CPQ: variants seen among roughly 807,000 people sequenced by gnomAD.
CPQ encodes carboxypeptidase Q.
In CPQ, 37 loss-of-function variants were observed where a neutral mutation model predicts 45.7. That is an observed-to-expected ratio of 0.81 (90% confidence interval 0.62 to 1.07). CPQ has a LOEUF of 1.07. Ranked by LOEUF, CPQ falls within the 50% of genes least tolerant of loss-of-function variation. The pLI is 0.00. For missense variants in CPQ, 537 were observed against 572.9 expected (o/e 0.94, Z 0.64); for synonymous variants, 186 against 205.8 (o/e 0.90, Z 0.82).
intron 1 of CPQ, chr8:96,761,638 G>C (rs566252170): frequency 6.6e-6 from 1 of 152,284 alleles, no homozygotes; most frequent in African/African-American, 2.4e-5. Flanking sequence ...TTCTGTCCCT[G>C]ATTTTCTGTG....
chr8:97,050,022 A>G (rs952092376), intron 6 of CPQ, among the ~76,000 whole-genome samples: 1 of 152,178 alleles, frequency 6.6e-6, no homozygotes, highest in African/African-American at 2.4e-5. Context: ...TGTAAGCCAT[A>G]TAGCTTCTCC....
chr8:96,799,806 G>T (rs1810982639), intron 2 of CPQ, among the ~76,000 whole-genome samples: 1 of 152,164 alleles, frequency 6.6e-6, no homozygotes, highest in Non-Finnish European at 1.5e-5. Context: ...AGGTCACACA[G>T]CTAATACATG....
At chr8:96,864,062 A>G (rs1811964769) in intron 3 of CPQ, among the ~76,000 whole-genome samples, 1 of 152,088 alleles carries the variant, frequency 6.6e-6, no homozygotes, top group East Asian at 1.9e-4. Context: ...TTGTCTGGAC[A>G]CACACCAGAC....
At chr8:96,687,326 C>A (rs1318972782) in intron 1 of CPQ, among the ~76,000 whole-genome samples, 1 of 152,032 alleles carries the variant, frequency 6.6e-6, no homozygotes, top group Non-Finnish European at 1.5e-5. Context: ...GATTCTCCTG[C>A]CTCAGTCTCC....
At chr8:97,105,092 C>T (rs1044311880) in intron 7 of CPQ, among the ~76,000 whole-genome samples, 1 of 152,196 alleles carries the variant, frequency 6.6e-6, no homozygotes. Context: ...AAGACCACCC[C>T]GGCATTGTGC....
intron 5 of CPQ, among the ~76,000 whole-genome samples, chr8:96,970,790 C>T (rs1435321970): frequency 6.6e-6 from 1 of 152,102 alleles, no homozygotes; most frequent in African/African-American, 2.4e-5. Context: ...GTCTCTATCT[C>T]CTGACCTCGT....
At chr8:97,128,691 A>C (rs768409006) in intron 7 of CPQ, among the ~76,000 whole-genome samples, 2 of 152,158 alleles carry the variant, frequency 1.3e-5, no homozygotes, top group Admixed American at 6.6e-5. Context: ...TCTCAAAAAA[A>C]CAAACAAACA....
intron 3 of CPQ, among the ~76,000 whole-genome samples, chr8:96,839,494 G>A (rs1811577347): frequency 6.6e-6 from 1 of 152,022 alleles, no homozygotes. Flanking sequence ...TTTGTCCTGG[G>A]AAATATGTTT....
intron 3 of CPQ, 51 bp from the exon 4 acceptor site, chr8:96,879,747 C>A: frequency 4.2e-6 from 6 of 1,433,704 alleles, no homozygotes; most frequent in Non-Finnish European, 5.9e-6. Flanking sequence ...TCAAAAAAGT[C>A]TTTTGGTCTA....
intron 2 of CPQ, among the ~76,000 whole-genome samples, chr8:96,817,684 G>T (rs1811247988): frequency 6.6e-6 from 1 of 151,766 alleles, no homozygotes; most frequent in South Asian, 2.1e-4. Context: ...TGCAATCCTG[G>T]CTCACTGCAG....
intron 1 of CPQ, among the ~76,000 whole-genome samples, chr8:96,647,981 C>T (rs559036940): frequency 1.3e-5 from 2 of 152,284 alleles, no homozygotes; most frequent in South Asian, 2.1e-4. Context: ...CAACCTCTTT[C>T]TTTATAAGAC....
chr8:96,972,170 G>A (rs1225859062), intron 5 of CPQ, among the ~76,000 whole-genome samples: 3 of 152,212 alleles, frequency 2.0e-5, no homozygotes, highest in Non-Finnish European at 2.9e-5. Context: ...GGGGCACTGT[G>A]GGAGTGAGAC....
intron 4 of CPQ, among the ~76,000 whole-genome samples, chr8:96,916,884 G>T (rs193226740): frequency 2.6e-5 from 4 of 152,224 alleles, no homozygotes; most frequent in Admixed American, 2.0e-4. Context: ...TTAGACTGGG[G>T]TAATGTGTTT....
At chr8:96,693,884 G>T (rs887117914) in intron 1 of CPQ, among the ~76,000 whole-genome samples, 9 of 151,982 alleles carry the variant, frequency 5.9e-5, no homozygotes, top group African/African-American at 2.2e-4. Context: ...AAAACATGAG[G>T]TGATGAAAAA....
At chr8:97,035,882 T>C (rs1313351084) in intron 6 of CPQ, among the ~76,000 whole-genome samples, 4 of 152,092 alleles carry the variant, frequency 2.6e-5, no homozygotes, top group Non-Finnish European at 5.9e-5. Context: ...TAATTTTTTG[T>C]ATTTTTAGTA....
chr8:96,975,326 T>C (rs1171793267), intron 5 of CPQ, among the ~76,000 whole-genome samples: 2 of 103,188 alleles, frequency 1.9e-5, no homozygotes, highest in African/African-American at 9.9e-5. Flanking sequence ...GGCAGTGAGA[T>C]TGAAATGGTA....
intron 7 of CPQ, among the ~76,000 whole-genome samples, chr8:97,114,045 A>G (rs970451264): frequency 1.3e-5 from 2 of 152,180 alleles, no homozygotes; most frequent in African/African-American, 4.8e-5. Flanking sequence ...CCTATTAAGG[A>G]GGGATGCCAA....
chr8:97,043,421 G>A (rs1176096987), intron 6 of CPQ, among the ~76,000 whole-genome samples: 1 of 151,984 alleles, frequency 6.6e-6, no homozygotes, highest in African/African-American at 2.4e-5. Flanking sequence ...GCACACTGAT[G>A]GGTCTTGACT....
At chr8:96,898,451 A>G (rs992285525) in intron 4 of CPQ, among the ~76,000 whole-genome samples, 8 of 152,164 alleles carry the variant, frequency 5.3e-5, no homozygotes, top group South Asian at 2.1e-4. Flanking sequence ...CAAATGCAGA[A>G]TCACTGAAAG....
Sources: gnomAD v4.1 joint callset for allele counts (sites outside exome capture counted in the v4.1 genomes callset) on GRCh38, gnomAD v4.1.1 for gene constraint, MANE v1.5 for transcripts, NCBI Gene and HGNC (gene_info 2026-07-23, HGNC 2026-07-21) for gene names.